GPT2: variants seen among roughly 807,000 people sequenced by gnomAD.
The protein encoded by GPT2 is alanine aminotransferase 2.
Under a neutral mutation model 56.9 loss-of-function variants are expected in GPT2, and 30 were observed. The observed-to-expected ratio is 0.53, with a 90% CI of 0.39 to 0.72. The LOEUF is 0.72. Ranked by LOEUF, GPT2 falls within the 30% of genes least tolerant of loss-of-function variation. GPT2 has a pLI of 0.00. For missense variants in GPT2, 542 were observed against 703.4 expected (o/e 0.77, Z 2.60); for synonymous variants, 271 against 283.1 (o/e 0.96, Z 0.43).
intron 9 of GPT2, 160 bp from the exon 10 acceptor site, chr16:46,924,229 A>G (rs1354085459): frequency 1.3e-6 from 1 of 785,592 alleles, no homozygotes. Flanking sequence ...ACCCAGGCAG[A>G]GCAAATCTGA....
At chr16:46,884,511 G>A (rs950733893) in intron 1 of GPT2, 44 bp downstream of exon 1, 5 of 497,070 alleles carry the variant, frequency 1.0e-5, no homozygotes, top group African/African-American at 8.0e-5. Context: ...GCGAAAGCCG[G>A]TTGGGTGTGC....
intron 2 of GPT2, among the ~76,000 whole-genome samples, chr16:46,890,370 C>T (rs1174750199): frequency 6.6e-6 from 1 of 152,124 alleles, no homozygotes; most frequent in Non-Finnish European, 1.5e-5. Flanking sequence ...CTGGGACCTG[C>T]GGGTCCTCTC....
intron 2 of GPT2, among the ~76,000 whole-genome samples, chr16:46,893,509 C>G (rs1960623500): frequency 6.6e-6 from 1 of 152,226 alleles, no homozygotes; most frequent in African/African-American, 2.4e-5. Flanking sequence ...GACGGTGTTC[C>G]CTTCCGTGGG....
intron 2 of GPT2, chr16:46,885,185 T>C (rs1960460116): frequency 7.9e-7 from 1 of 1,272,970 alleles, no homozygotes; most frequent in Admixed American, 4.0e-5. Context: ...TGAATTGAAT[T>C]CGTCAATTGT....
rs181874926 is a variant in GPT2 at position 46,902,467 on chromosome 16, T to C, written c.442+1677T>C. Reference sequence around the variant, plus strand: ...TGTGGTCCTTCGCGTGACAGGGACATAGTGGTGTCGCTCTCTGTCACCTAC... The same window carrying C: ...TGTGGTCCTTCGCGTGACAGGGACACAGTGGTGTCGCTCTCTGTCACCTAC... On this transcript the variant is annotated intron_variant, in intron 4 of 11. Coordinates refer to ENST00000340124, the MANE Select transcript of GPT2 (RefSeq NM_133443.4). Among the ~76,000 whole-genome samples, 12 of 152,224 alleles carry C rather than the reference T, an allele frequency of 7.9e-5. No individual in the cohort carries two copies. In the East Asian group the frequency reaches 2.3e-3, roughly 29 times the overall value.
chr16:46,894,059 T>C (rs1021291777), intron 2 of GPT2, among the ~76,000 whole-genome samples: 2 of 152,186 alleles, frequency 1.3e-5, no homozygotes, highest in African/African-American at 4.8e-5. Context: ...TGGGCTGGTT[T>C]CTTCACCCAT....
At chr16:46,916,469 A>G (rs1961166133) in intron 6 of GPT2, 159 bp from the exon 7 acceptor site, 1 of 673,132 alleles carries the variant, frequency 1.5e-6, no homozygotes, top group South Asian at 1.7e-5. Flanking sequence ...CGACTACACC[A>G]TCATGCATGG....
At chr16:46,919,222 C>T (rs928803378) in intron 8 of GPT2, among the ~76,000 whole-genome samples, 4 of 152,234 alleles carry the variant, frequency 2.6e-5, no homozygotes, top group South Asian at 2.1e-4. Flanking sequence ...TGAGCACTTA[C>T]GATGAGTCCG....
At chr16:46,918,520 C>T in intron 7 of GPT2, 101 bp from the exon 8 acceptor site, 2 of 1,374,696 alleles carry the variant, frequency 1.5e-6, no homozygotes, top group Non-Finnish European at 2.0e-6. Flanking sequence ...GCCGGCTGGG[C>T]CTCATGGCCC....
At chr16:46,924,276 C>G (rs772322562) in intron 9 of GPT2, 113 bp from the exon 10 acceptor site, 42 of 1,226,422 alleles carry the variant, frequency 3.4e-5, no homozygotes, top group South Asian at 5.0e-5. Context: ...GTGTTCAAAG[C>G]TGGAGCAAAG....
chr16:46,903,893 G>A (rs1255162101), intron 4 of GPT2, among the ~76,000 whole-genome samples: 4 of 152,242 alleles, frequency 2.6e-5, no homozygotes, highest in African/African-American at 4.8e-5. Context: ...ATCTCGGAGA[G>A]AGCTGCAGGA....
intron 2 of GPT2, among the ~76,000 whole-genome samples, chr16:46,892,294 C>T (rs999314340): frequency 2.0e-5 from 3 of 152,068 alleles, no homozygotes; most frequent in African/African-American, 7.2e-5. Flanking sequence ...GAATAATAGT[C>T]CATTGTGTAT....
intron 4 of GPT2, among the ~76,000 whole-genome samples, chr16:46,902,767 AG>A (rs1480289968): frequency 3.9e-5 from 6 of 152,104 alleles, no homozygotes; most frequent in African/African-American, 1.4e-4. Flanking sequence ...CTGGTACTAC[AG>A]GCACGCGCCA....
At chr16:46,902,915 C>T (rs1422436932) in intron 4 of GPT2, among the ~76,000 whole-genome samples, 3 of 152,072 alleles carry the variant, frequency 2.0e-5, no homozygotes, top group South Asian at 2.1e-4. Flanking sequence ...TGAGCCACCG[C>T]GCCTGGCCAC....
chr16:46,890,043 A>C (rs1960556994), intron 2 of GPT2, among the ~76,000 whole-genome samples: 1 of 152,212 alleles, frequency 6.6e-6, no homozygotes, highest in Non-Finnish European at 1.5e-5. Flanking sequence ...GGATGCCCAG[A>C]GTTCAGGGGC....
Position 46,884,824 on chromosome 16 carries a change from G to C in GPT2, c.109G>C (p.Val37Leu). 2 of 1,539,340 alleles carry C rather than the reference G, an allele frequency of 1.3e-6. No individual in the cohort carries two copies. The highest frequency in any genetic ancestry group is 2.4e-5 in the South Asian group (2 of 82,582). ...CGCCGAGGCCTCGGCGGTGCTCAAGGTGCGGCCCGAGCGCAGCCGGCGCGA... is the reference window on the plus strand; with the variant it reads ...CGCCGAGGCCTCGGCGGTGCTCAAGCTGCGGCCCGAGCGCAGCCGGCGCGA... ...AAAEASAVLK[V>L]RPERSRRERI... The change falls in exon 2 of 12, where the codon GTG becomes CTG. Residue 37 changes from valine to leucine, a missense_variant. Transcript: ENST00000340124.
chr16:46,901,911 AGCAGCCCT>A (rs1420511186), intron 4 of GPT2, among the ~76,000 whole-genome samples: 39 of 152,350 alleles, frequency 2.6e-4, no homozygotes, highest in Admixed American at 5.2e-4. Flanking sequence ...GCTGGCAGAA[AGCAGCCCT>A]GCAGCCCAGA....
chr16:46,924,766 A>T (rs1017312090), intron 10 of GPT2, among the ~76,000 whole-genome samples: 2 of 152,236 alleles, frequency 1.3e-5, no homozygotes, highest in African/African-American at 4.8e-5. Context: ...CCCAGGGGAA[A>T]GGAGCTGATC....
intron 8 of GPT2, among the ~76,000 whole-genome samples, chr16:46,919,729 T>C (rs1961247355): frequency 6.6e-6 from 1 of 152,170 alleles, no homozygotes; most frequent in Non-Finnish European, 1.5e-5. Flanking sequence ...CTTGCTTAGC[T>C]GGTGTGTTGC....
Sources: allele counts gnomAD v4.1 joint callset (sites outside exome capture counted in the v4.1 genomes callset), GRCh38; gene constraint gnomAD v4.1.1; transcripts MANE v1.5; gene names NCBI Gene and HGNC (gene_info 2026-07-23, HGNC 2026-07-21).